Variants in ABTB2 observed in about 807,000 individuals in gnomAD.
ABTB2 encodes ankyrin repeat and BTB domain containing 2, also known as ankyrin repeat and BTB/POZ domain-containing protein 2.
In ABTB2, 56 loss-of-function variants were observed where a neutral mutation model predicts 104.1. The observed-to-expected ratio is 0.54, with a 90% CI of 0.43 to 0.67. The LOEUF is 0.67. Among genes scored for constraint, ABTB2 ranks in the 30% least tolerant of loss-of-function variants. The pLI is 0.00. For missense variants in ABTB2, 1,279 were observed against 1,407.7 expected (o/e 0.91, Z 1.46); for synonymous variants, 606 against 608.2 (o/e 1.00, Z 0.05).
chr11:34,347,379 T>C (rs1745687712), intron 1 of ABTB2, among the ~76,000 whole-genome samples: 1 of 152,260 alleles, frequency 6.6e-6, no homozygotes, highest in African/African-American at 2.4e-5. Context: ...GAGGCTGCAG[T>C]GAGCTGAGAT....
intron 1 of ABTB2, among the ~76,000 whole-genome samples, chr11:34,316,418 C>T (rs1211957695): frequency 1.3e-5 from 2 of 152,212 alleles, no homozygotes; most frequent in Non-Finnish European, 2.9e-5. Flanking sequence ...CAGATCCAGC[C>T]CAGCTCTGAC....
rs1286113278 is a variant in ABTB2 at position 34,356,297 on chromosome 11, G to T, written c.883+404C>A. ...TGCTATTGAGCTGGGGAAAACTAGGGGGCAGAATCAGTCAATCTAACCAGC... is the reference window on the plus strand; with the variant it reads ...TGCTATTGAGCTGGGGAAAACTAGGTGGCAGAATCAGTCAATCTAACCAGC... On this transcript the variant is annotated intron_variant, in intron 1 of 16. Transcript: ENST00000435224. The surrounding 1 kb of genome is among the most constrained non-coding windows in gnomAD (Gnocchi z 4.6). 6.6e-6 allele frequency among the ~76,000 whole-genome samples: 1 copy of T among 152,098 alleles called. No homozygotes were observed. The highest frequency in any genetic ancestry group is 1.5e-5 in the Non-Finnish European group (1 of 68,030).
In ABTB2 at chr11:34,154,887, C is replaced by T; in HGVS notation, c.2698-118G>A. 1.1e-6 allele frequency: 1 copy of T among 946,296 alleles called. No individual in the cohort carries two copies. The highest frequency in any genetic ancestry group is 1.6e-6 in the Non-Finnish European group (1 of 611,638). 58.6% of individuals were successfully genotyped at this position (946,296 alleles called of 1,614,324 possible). A position where few individuals can be genotyped will look rare whatever the true frequency, so the allele number is the denominator to read the frequency against. On this transcript the variant is annotated intron_variant, in intron 14 of 16. Transcript: ENST00000435224. The surrounding 1 kb of genome is among the most constrained non-coding windows in gnomAD (Gnocchi z 4.9). ...CCAGGGGCCTGTCCCTCTGCAGGTC[C>T]CCAGCTCTGTCTCTCCCTCCCTCTC...
chr11:34,171,436 G>C (rs1325624182), intron 4 of ABTB2, among the ~76,000 whole-genome samples: 1 of 152,110 alleles, frequency 6.6e-6, no homozygotes, highest in African/African-American at 2.4e-5. Flanking sequence ...TTAGCCAGGC[G>C]TGGTAGCATG....
intron 1 of ABTB2, among the ~76,000 whole-genome samples, chr11:34,209,352 C>CT (rs373093460): frequency 6.7e-5 from 10 of 149,692 alleles, no homozygotes; most frequent in South Asian, 4.3e-4. Flanking sequence ...CAAAAAAAAA[C>CT]TTTTTTTTTC....
At chr11:34,270,157 AG>A (rs1854296736) in intron 1 of ABTB2, among the ~76,000 whole-genome samples, 1 of 152,140 alleles carries the variant, frequency 6.6e-6, no homozygotes, top group African/African-American at 2.4e-5. Flanking sequence ...ATCCTGCCGC[AG>A]TCAGGGTGTT....
chr11:34,268,369 AC>A (rs1854274288), intron 1 of ABTB2, among the ~76,000 whole-genome samples: 1 of 152,186 alleles, frequency 6.6e-6, no homozygotes, highest in Non-Finnish European at 1.5e-5. Flanking sequence ...CAGTCTGAGA[AC>A]CCACTCTCTC....
In ABTB2 at chr11:34,220,686, A is replaced by T. The variant is rs113554141; in HGVS notation, c.884-15996T>A. ...ACCCAGCAGCTAAAAGACACCAGGC[A>T]CTGCCTATCCCTGAACCTCTTGTTG... On this transcript the variant is annotated intron_variant, in intron 1 of 16. Transcript: ENST00000435224. Among the ~76,000 whole-genome samples, 1,337 of 152,332 alleles carry T rather than the reference A, an allele frequency of 8.8e-3. 15 individuals are homozygous for T. The highest frequency in any genetic ancestry group is 0.03 in the African/African-American group (1,264 of 41,576).
intron 1 of ABTB2, among the ~76,000 whole-genome samples, chr11:34,293,635 T>A (rs1854587665): frequency 6.6e-6 from 1 of 151,938 alleles, no homozygotes; most frequent in African/African-American, 2.4e-5. Context: ...GAGATACCCT[T>A]CCAAGGTGCA....
chr11:34,309,645 AT>A (rs757102353), intron 1 of ABTB2, among the ~76,000 whole-genome samples: 21 of 149,772 alleles, frequency 1.4e-4, no homozygotes, highest in Non-Finnish European at 2.5e-4. Flanking sequence ...ATCACCAATA[AT>A]GAGTTATGAA....
intron 1 of ABTB2, among the ~76,000 whole-genome samples, chr11:34,212,140 T>C (rs1233130103): frequency 1.3e-5 from 2 of 151,572 alleles, no homozygotes; most frequent in Non-Finnish European, 2.9e-5. Context: ...CACTGCAACC[T>C]CCTCCTCCCA....
At chr11:34,160,772 C>A (rs566211081) in intron 11 of ABTB2, 131 bp downstream of exon 11, 4 of 954,072 alleles carry the variant, frequency 4.2e-6, no homozygotes, top group East Asian at 2.7e-5. Flanking sequence ...TGAGGGCAGG[C>A]GTGTGAGTGT....
chr11:34,191,975 G>T (rs1853181312), intron 3 of ABTB2, among the ~76,000 whole-genome samples: 1 of 152,170 alleles, frequency 6.6e-6, no homozygotes. Context: ...CAGATACTCA[G>T]TGTGTCCTAG....
At chr11:34,229,586 C>T (rs925573948) in intron 1 of ABTB2, among the ~76,000 whole-genome samples, 1 of 152,016 alleles carries the variant, frequency 6.6e-6, no homozygotes, top group Admixed American at 6.6e-5. Flanking sequence ...CCACAAAGGC[C>T]ACGGAAGAGG....
chr11:34,223,926 C>A (rs1853656767), intron 1 of ABTB2, among the ~76,000 whole-genome samples: 1 of 152,176 alleles, frequency 6.6e-6, no homozygotes, highest in Admixed American at 6.5e-5. Flanking sequence ...CTATTCACTA[C>A]CCTCTTAAAT....
At chr11:34,323,204 G>A (rs757553947) in intron 1 of ABTB2, among the ~76,000 whole-genome samples, 11 of 152,162 alleles carry the variant, frequency 7.2e-5, no homozygotes, top group Admixed American at 6.5e-5. Flanking sequence ...ACTGCGCCTG[G>A]CCGCAAATGC....
chr11:34,239,515 G>A (rs963269503), intron 1 of ABTB2, among the ~76,000 whole-genome samples: 2 of 151,960 alleles, frequency 1.3e-5, no homozygotes, highest in Admixed American at 1.3e-4. Context: ...ATTTTTAGTA[G>A]AGGTGAGGTC....
At chr11:34,355,235 A>G (rs1855451579) in intron 1 of ABTB2, among the ~76,000 whole-genome samples, 1 of 152,188 alleles carries the variant, frequency 6.6e-6, no homozygotes, top group Non-Finnish European at 1.5e-5. Context: ...AAAACAAAGC[A>G]TAAGATCTGA....
chr11:34,242,301 G>A (rs901088534), intron 1 of ABTB2, among the ~76,000 whole-genome samples: 1 of 152,204 alleles, frequency 6.6e-6, no homozygotes, highest in African/African-American at 2.4e-5. Flanking sequence ...GAGGGTGGGA[G>A]CAAGGGGCCA....
Sources: gnomAD v4.1 joint callset for allele counts (sites outside exome capture counted in the v4.1 genomes callset) on GRCh38, gnomAD v4.1.1 for gene constraint, Gnocchi (gnomAD v3.1) non-coding constraint, MANE v1.5 for transcripts, NCBI Gene and HGNC (gene_info 2026-07-23, HGNC 2026-07-21) for gene names.